MARVELD3: variants seen among roughly 807,000 people sequenced by gnomAD.
The protein encoded by MARVELD3 is MARVEL domain containing 3.
In MARVELD3, 28 loss-of-function variants were observed where a neutral mutation model predicts 33.5. The observed-to-expected ratio is 0.84, with a 90% CI of 0.62 to 1.15. The LOEUF is 1.15. Ranked by LOEUF, MARVELD3 falls within the 50% of genes most tolerant of loss-of-function variation. MARVELD3 has a pLI of 0.00. For missense variants in MARVELD3, 582 were observed against 547.6 expected (o/e 1.06, Z -0.63); for synonymous variants, 241 against 230.4 (o/e 1.05, Z -0.42).
intron 2 of MARVELD3, among the ~76,000 whole-genome samples, chr16:71,631,661 C>G (rs557920774): frequency 6.6e-6 from 1 of 152,016 alleles, no homozygotes; most frequent in East Asian, 1.9e-4. Context: ...TTGGCCAGGC[C>G]GGTCTTGAAC....
In MARVELD3 at chr16:71,629,438, CAG is replaced by C. The variant is rs762245773; in HGVS notation, c.542_543del (p.Glu181GlyfsTer67). ...CGAGAGGAGGTGGAATATTACCAGTCAGAGGCGGAAGGACTCCTGGAATGCCA... is the reference window on the plus strand; with the variant it reads ...CGAGAGGAGGTGGAATATTACCAGTCAGGCGGAAGGACTCCTGGAATGCCA... On this transcript the variant is annotated frameshift_variant, in exon 2 of 3. Coordinates refer to ENST00000268485, the MANE Select transcript of MARVELD3 (RefSeq NM_052858.6). LOFTEE classifies it high-confidence loss of function. The C allele has an allele frequency of 1.5e-5, 24 of 1,583,408 alleles. No homozygotes were observed. Among genetic ancestry groups the C allele is most frequent in the Non-Finnish European group, 2.1e-5 (24 of 1,167,724 alleles).
chr16:71,627,845 C>T (rs1239550142), intron 1 of MARVELD3, among the ~76,000 whole-genome samples: 1 of 152,164 alleles, frequency 6.6e-6, no homozygotes, highest in Admixed American at 6.5e-5. Context: ...GTGTTTTTTC[C>T]ATCCATTGAA....
intron 1 of MARVELD3, among the ~76,000 whole-genome samples, chr16:71,627,703 C>T (rs2044488628): frequency 7.6e-6 from 1 of 132,260 alleles, no homozygotes; most frequent in Non-Finnish European, 1.5e-5. Context: ...CTGCCTTGCA[C>T]AGAATTCCCA....
intron 2 of MARVELD3, 128 bp downstream of exon 2, chr16:71,629,622 T>C: frequency 1.4e-6 from 1 of 691,628 alleles, no homozygotes; most frequent in Non-Finnish European, 2.2e-6. Context: ...ATTTCTGTAC[T>C]TGTGAGGTTC....
chr16:71,641,913 T>C (rs897392662), exon 3 of MARVELD3: 3 of 152,244 alleles, frequency 2.0e-5, no homozygotes, highest in African/African-American at 7.2e-5. Context: ...TCTCATAATG[T>C]AACAGATCAC....
chr16:71,640,250 G>A (rs1730324497), downstream of MARVELD3: 4 of 937,790 alleles, frequency 4.3e-6, no homozygotes, highest in Non-Finnish European at 6.3e-6. Context: ...CTGGATGACA[G>A]AGTGACACCG....
intron 2 of MARVELD3, among the ~76,000 whole-genome samples, chr16:71,631,447 T>C (rs1344390701): frequency 1.3e-5 from 2 of 152,168 alleles, no homozygotes; most frequent in Non-Finnish European, 2.9e-5. Flanking sequence ...TAAGTAAGTA[T>C]AACTGTCTTT....
intron 2 of MARVELD3, among the ~76,000 whole-genome samples, chr16:71,630,112 C>T (rs985153212): frequency 9.4e-5 from 14 of 148,708 alleles, no homozygotes; most frequent in Non-Finnish European, 1.6e-4. Flanking sequence ...AAAAGGCTGG[C>T]GTAGTGGCTT....
At position 71,626,217 on chromosome 16, in the gene MARVELD3, A is replaced by T. The variant is rs1475518744; in HGVS notation, c.-13A>T. The T allele has an allele frequency of 2.8e-6, 4 of 1,452,852 alleles. No individual in the cohort carries two copies. Among genetic ancestry groups the T allele is most frequent in the Non-Finnish European group, 2.7e-6 (3 of 1,105,840 alleles). The allele number at this position is 1,452,852 out of a possible 1,614,324, so 90.0% of individuals were successfully genotyped here. Reference sequence around the variant, plus strand: ...CCTCAGGTCGCTCCCGGGCGGGGACACGGAACCCGGCCATGGAAGATCCGT... The same window carrying T: ...CCTCAGGTCGCTCCCGGGCGGGGACTCGGAACCCGGCCATGGAAGATCCGT... On this transcript the variant is annotated 5_prime_UTR_variant, in exon 1 of 3. Coordinates refer to ENST00000268485, the MANE Select transcript of MARVELD3 (RefSeq NM_052858.6). This position sits in a 1 kb window ranked among gnomAD's most constrained non-coding sequence, Gnocchi z 5.3.
At chr16:71,638,134 C>A (rs1461213404), downstream of MARVELD3, 3 of 152,124 alleles carry the variant, frequency 2.0e-5, no homozygotes, top group East Asian at 5.8e-4. Context: ...GGCAGGAGAC[C>A]CTCTCCCAGA....
intron 1 of MARVELD3, among the ~76,000 whole-genome samples, chr16:71,628,587 A>G (rs2044497722): frequency 6.6e-6 from 1 of 151,534 alleles, no homozygotes; most frequent in Non-Finnish European, 1.5e-5. Flanking sequence ...AAGGTGTCCC[A>G]AGGAGAAGAA....
rs1188360702 is a variant in MARVELD3, at chr16:71,636,142, C to T, written c.*1339C>T. On this transcript the variant is annotated 3_prime_UTR_variant, in exon 3 of 3. Transcript: ENST00000268485. Reference sequence around the variant, plus strand: ...GACTTATGGAACATTACAATATATTCTCGGTCCAAGTGAGTAAGTTCTTTG... The same window carrying T: ...GACTTATGGAACATTACAATATATTTTCGGTCCAAGTGAGTAAGTTCTTTG... 1.0e-6 allele frequency: 1 copy of T among 985,070 alleles called. No individual in the cohort carries two copies. The highest frequency in any genetic ancestry group is 1.2e-6 in the Non-Finnish European group (1 of 829,786). 61.0% of individuals were successfully genotyped at this position (985,070 alleles called of 1,614,324 possible).
chr16:71,635,510 G>C lies in MARVELD3; in HGVS notation c.*707G>C. Reference sequence around the variant, plus strand: ...TAATCCCAGAGCTTTGGGAGGCTGAGGTAGGAGGATTGCTTGAACCCAGGA... The same window carrying C: ...TAATCCCAGAGCTTTGGGAGGCTGACGTAGGAGGATTGCTTGAACCCAGGA... On this transcript the variant is annotated 3_prime_UTR_variant, in exon 3 of 3. Transcript: ENST00000268485. The C allele has an allele frequency of 1.0e-6, 1 of 984,958 alleles. No individual in the cohort carries two copies. Among genetic ancestry groups the C allele is most frequent in the South Asian group, 4.7e-5 (1 of 21,260 alleles). 61.0% of individuals were successfully genotyped at this position (984,958 alleles called of 1,614,324 possible).
rs138794099 is a variant in MARVELD3 at position 71,634,399 on chromosome 16, C to T, written c.802C>T (p.Pro268Ser). 384 of 1,614,204 alleles carry T rather than the reference C, an allele frequency of 2.4e-4. 1 individual carries two copies. The African/African-American group carries it at 4.0e-3, about 17-fold the overall frequency. ...LDVQFYQLKLPMVTVAMACSG... is the reference protein window; with the variant it reads ...LDVQFYQLKLSMVTVAMACSG... ...TGTCCAGTTCTACCAGCTAAAGCTG[C>T]CCATGGTCACTGTGGCAATGGCCTG... Residue 268 changes from proline (P) to serine (S), a missense_variant, in exon 3 of 3, where the codon CCC becomes TCC. By Grantham distance (74) the Pro-to-Ser change is moderately conservative (BLOSUM62 -1). Coordinates refer to ENST00000268485, the MANE Select transcript of MARVELD3 (RefSeq NM_052858.6).
chr16:71,628,055 C>T (rs970502911), intron 1 of MARVELD3, among the ~76,000 whole-genome samples: 8 of 152,162 alleles, frequency 5.3e-5, no homozygotes, highest in African/African-American at 9.7e-5. Flanking sequence ...GTCCACACAG[C>T]GGGAGAGCTC....
At chr16:71,639,446 CT>C (rs34291219), downstream of MARVELD3, 50,772 of 108,986 alleles carry the variant, frequency 0.47, 9,815 homozygotes, top group Middle Eastern at 0.63. Flanking sequence ...GATTTCATTC[CT>C]TTTTTTTTTT....
chr16:71,632,189 G>T (rs1027412332), intron 2 of MARVELD3, among the ~76,000 whole-genome samples: 1 of 152,204 alleles, frequency 6.6e-6, no homozygotes. Flanking sequence ...GTGGTTTGCT[G>T]ACAAGGAAAG....
In MARVELD3 at chr16:71,626,862, A is replaced by T; in HGVS notation, c.467+166A>T. On this transcript the variant is annotated intron_variant, in intron 1 of 2. Transcript: ENST00000268485. This position sits in a 1 kb window ranked among gnomAD's most constrained non-coding sequence, Gnocchi z 5.3. Reference sequence around the variant, plus strand: ...CAGAGGCGACCTGGCAGGGAAGGAAAACTTTAGGGTTCCCCCTTCTCGTGG... The same window carrying T: ...CAGAGGCGACCTGGCAGGGAAGGAATACTTTAGGGTTCCCCCTTCTCGTGG... The T allele has an allele frequency of 1.7e-6, 1 of 599,256 alleles. No homozygotes were observed. The highest frequency in any genetic ancestry group is 3.1e-5 in the South Asian group (1 of 31,968). 37.1% of individuals were successfully genotyped at this position (599,256 alleles called of 1,614,324 possible). A position where few individuals can be genotyped will look rare whatever the true frequency, so the allele number is the denominator to read the frequency against.
At chr16:71,640,642 G>A, downstream of MARVELD3, 1 of 1,614,242 alleles carries the variant, frequency 6.2e-7, no homozygotes, top group Non-Finnish European at 8.5e-7. Flanking sequence ...CTCACCATGG[G>A]TGTTTTACTC....
Sources: gnomAD v4.1 joint callset for allele counts (sites outside exome capture counted in the v4.1 genomes callset) on GRCh38, gnomAD v4.1.1 for gene constraint, Gnocchi (gnomAD v3.1) non-coding constraint, MANE v1.5 for transcripts, NCBI Gene and HGNC (gene_info 2026-07-23, HGNC 2026-07-21) for gene names.